The following PROM1 variants were observed in gnomAD, a reference collection of about 807,000 sequenced individuals.
The protein encoded by PROM1 is prominin 1.
A neutral mutation model predicts 116.9 loss-of-function variants in PROM1; 105 were observed. That is an observed-to-expected ratio of 0.90 (90% confidence interval 0.77 to 1.06). The LOEUF (loss-of-function observed/expected upper bound fraction) is 1.06. PROM1 is among the 50% of genes least tolerant of loss of function. The probability of loss-of-function intolerance (pLI) is 0.00; values close to 1 mark genes in which losing one functional copy is unlikely to be tolerated. For missense variants in PROM1, 1,122 were observed against 1,045.2 expected (o/e 1.07, Z -1.01); for synonymous variants, 393 against 387.0 (o/e 1.02, Z -0.18).
At chr4:16,063,079 C>T (rs763370271) in intron 2 of PROM1, among the ~76,000 whole-genome samples, 2 of 152,140 alleles carry the variant, frequency 1.3e-5, no homozygotes, top group Non-Finnish European at 2.9e-5. Flanking sequence ...ATGTAGGACA[C>T]TATCTATAAA....
rs1008538728 is a variant in PROM1, at chr4:16,006,455, C to G, written c.1454+83G>C. ...CCCGCGTACGTGGCCCAGAGGGCGC[C>G]GGGTTCATGTAACACCAGAGTCAGC... On this transcript the variant is annotated intron_variant, in intron 13 of 27. Coordinates refer to ENST00000447510, the MANE Select transcript of PROM1 (RefSeq NM_006017.3). 10 of 1,441,774 alleles carry G rather than the reference C, an allele frequency of 6.9e-6. No individual in the cohort carries two copies. The South Asian group carries it at 1.3e-4, about 19-fold the overall frequency. The allele number at this position is 1,441,774 out of a possible 1,614,324, so 89.3% of individuals were successfully genotyped here. A position where few individuals can be genotyped will look rare whatever the true frequency, so the allele number is the denominator to read the frequency against.
rs369512467 is a variant in PROM1 at position 16,025,266 on chromosome 4, G to C, written c.556C>G (p.Arg186Gly). 6.2e-7 allele frequency: 1 copy of C among 1,613,790 alleles called. No homozygotes were observed. Among genetic ancestry groups the C allele is most frequent in the Non-Finnish European group, 8.5e-7 (1 of 1,179,718 alleles). The change falls in exon 6 of 28, where the codon CGG becomes GGG. Residue 186 changes from arginine to glycine, a missense_variant. By Grantham distance (125) the Arg-to-Gly change is moderately radical. Transcript: ENST00000447510. ...GCCAGTTTCCGACTCCTTTTGATCC[G>C]GGTTCTTACCTGGTGATTTGCCACA... ...GFVANHQVRT[R>G]IKRSRKLADS...
intron 1 of PROM1, chr4:16,083,254 A>G (rs1745376664): frequency 6.6e-6 from 1 of 151,920 alleles, no homozygotes; most frequent in African/African-American, 2.4e-5. Flanking sequence ...TCTCCCCGAG[A>G]GCGAGTCCGA....
At chr4:16,018,256 A>G in intron 9 of PROM1, 67 bp downstream of exon 9, 1 of 1,512,054 alleles carries the variant, frequency 6.6e-7, no homozygotes, top group Non-Finnish European at 9.1e-7. Context: ...TAGGTCACCC[A>G]CGCTTAGCCC....
intron 26 of PROM1, chr4:15,976,149 A>T (rs1401950491): frequency 6.6e-6 from 3 of 454,646 alleles, no homozygotes; most frequent in Middle Eastern, 6.5e-4. Context: ...AGCTTCATTT[A>T]TGTATTTAAT....
In PROM1 at chr4:16,075,668, C is replaced by T. The variant is rs1023560480; in HGVS notation, c.220+19G>A. On this transcript the variant is annotated intron_variant, in intron 2 of 27. Coordinates refer to ENST00000447510, the MANE Select transcript of PROM1 (RefSeq NM_006017.3). The stretch of plus-strand genomic sequence containing the variant: ...GCGTTTGGAGATAAATCCTATCTTT[C>T]CCTGCCATCAGCACTTACCTTCTGG... 6.3e-7 allele frequency: 1 copy of T among 1,594,914 alleles called. No homozygotes were observed. Among genetic ancestry groups the T allele is most frequent in the Admixed American group, 1.7e-5 (1 of 58,448 alleles).
chr4:15,971,298 T>A, intron 26 of PROM1: 3 of 522,974 alleles, frequency 5.7e-6, no homozygotes, highest in Non-Finnish European at 1.0e-5. Context: ...ATAAAGAGGA[T>A]AAACAGACTA....
Position 16,007,363 on chromosome 4 carries a change from G to A in PROM1, c.1302-673C>T, listed in dbSNP as rs761079815. On this transcript the variant is annotated intron_variant, in intron 12 of 27. Transcript: ENST00000447510. ...TCAATTAGGCCTTACTGGCATTCCC[G>A]GAAGGGAGAACAACCTTTCCCGGCA... is the stretch of plus-strand genomic sequence containing the variant. Among the ~76,000 whole-genome samples the A allele has an allele frequency of 5.3e-5, 8 of 152,214 alleles. No homozygotes were observed. In the South Asian group the frequency reaches 6.2e-4, roughly 12 times the overall value.
At chr4:16,006,430 C>T in intron 13 of PROM1, 108 bp downstream of exon 13, 1 of 1,318,218 alleles carries the variant, frequency 7.6e-7, no homozygotes, top group Non-Finnish European at 1.0e-6. Context: ...GAGCTGGAAC[C>T]CCGCGTACGT....
chr4:16,079,838 C>T (rs746345125), intron 1 of PROM1: 1 of 151,862 alleles, frequency 6.6e-6, no homozygotes, highest in Non-Finnish European at 1.5e-5. Context: ...TGGAAAATAA[C>T]ACATGTAAGG....
chr4:16,066,189 T>C (rs1419611681), intron 2 of PROM1, among the ~76,000 whole-genome samples: 2 of 152,214 alleles, frequency 1.3e-5, no homozygotes, highest in Non-Finnish European at 2.9e-5. Context: ...GATAATGTGT[T>C]ATGGTTGCCC....
intron 5 of PROM1, among the ~76,000 whole-genome samples, chr4:16,031,706 C>T (rs1450076474): frequency 6.6e-6 from 1 of 152,084 alleles, no homozygotes; most frequent in Non-Finnish European, 1.5e-5. Context: ...GATGCCCACA[C>T]CCCAATGTCA....
chr4:16,008,187 G>A (rs113732784), intron 12 of PROM1, among the ~76,000 whole-genome samples: 250 of 152,296 alleles, frequency 1.6e-3, no homozygotes, highest in African/African-American at 6.0e-3. Flanking sequence ...GACTCCCCAT[G>A]GGCTTGGGAG....
chr4:16,006,808 T>C lies in PROM1; in HGVS notation c.1302-118A>G, dbSNP rs912293053. ...TTCTTGGCTTCTAAAATCAGAGTCT[T>C]CTATCAATTCCTCAGAGGACAATAA... On this transcript the variant is annotated intron_variant, in intron 12 of 27. Coordinates refer to ENST00000447510, the MANE Select transcript of PROM1 (RefSeq NM_006017.3). 11 of 1,001,348 alleles carry C rather than the reference T, an allele frequency of 1.1e-5. No individual in the cohort carries two copies. The South Asian group carries it at 1.5e-4, about 14-fold the overall frequency. 62.0% of individuals were successfully genotyped at this position (1,001,348 alleles called of 1,614,324 possible).
In PROM1 at chr4:15,998,476, G is replaced by T. The variant is rs768200385; in HGVS notation, c.1591C>A (p.Pro531Thr). The change falls in exon 15 of 28, where the codon CCC (proline) becomes ACC (threonine). Residue 531 changes from proline to threonine, a missense_variant. Pro to Thr is a conservative substitution (Grantham distance 38, BLOSUM62 -1). Transcript: ENST00000447510. Reference sequence around the variant, plus strand: ...TCCCAGTCTTCATTTAGTAAGTAGGGTGTATCCAAAACCTAGAACACATTA... The same window carrying T: ...TCCCAGTCTTCATTTAGTAAGTAGGTTGTATCCAAAACCTAGAACACATTA... ...SKELFRVLDT[P>T]YLLNEDWEYY... is the part of the protein sequence containing the mutation. 3 of 1,608,038 alleles carry T rather than the reference G, an allele frequency of 1.9e-6. No homozygotes were observed. The highest frequency in any genetic ancestry group is 2.5e-6 in the Non-Finnish European group (3 of 1,178,090).
chr4:16,016,139 G>GTGA (rs1286798702), intron 10 of PROM1, 27 bp downstream of exon 10: 1 of 1,512,948 alleles, frequency 6.6e-7, no homozygotes, highest in African/African-American at 1.4e-5. Context: ...TATAAAATCA[G>GTGA]TGATTGTATT....
At chr4:16,055,373 G>A (rs986012846) in intron 2 of PROM1, 6 of 455,946 alleles carry the variant, frequency 1.3e-5, no homozygotes, top group Admixed American at 2.4e-5. Flanking sequence ...TTCTGGCTTC[G>A]TTATCCTACC....
At chr4:16,068,075 A>G (rs1364668990) in intron 2 of PROM1, among the ~76,000 whole-genome samples, 1 of 152,158 alleles carries the variant, frequency 6.6e-6, no homozygotes, top group Non-Finnish European at 1.5e-5. Flanking sequence ...GAGGCAGAGT[A>G]GATGTACAGA....
rs535674717 is a variant in PROM1 at position 16,068,876 on chromosome 4, C to A, written c.220+6811G>T. On this transcript the variant is annotated intron_variant, in intron 2 of 27. Coordinates refer to ENST00000447510, the MANE Select transcript of PROM1 (RefSeq NM_006017.3). Reference sequence around the variant, plus strand: ...CCACTCCCACACACACCAAATCCCACGAGCAAATCAGAATCACCTAAAATA... The same window carrying A: ...CCACTCCCACACACACCAAATCCCAAGAGCAAATCAGAATCACCTAAAATA... Among the ~76,000 whole-genome samples, 7 of 152,242 alleles carry A rather than the reference C, an allele frequency of 4.6e-5. No homozygotes were observed. In the South Asian group the frequency reaches 1.5e-3, roughly 32 times the overall value.
Sources: gnomAD v4.1 joint callset for allele counts (sites outside exome capture counted in the v4.1 genomes callset) on GRCh38, gnomAD v4.1.1 for gene constraint, MANE v1.5 for transcripts, NCBI Gene and HGNC (gene_info 2026-07-23, HGNC 2026-07-21) for gene names.